SNW1: variants seen among roughly 807,000 people sequenced by gnomAD.
SNW1 encodes SNW domain containing 1.
Under a neutral mutation model 75.6 loss-of-function variants are expected in SNW1, and 9 were observed. The ratio of observed to expected loss-of-function variants is 0.12; its 90% CI spans 0.07 to 0.21. The LOEUF is 0.21. SNW1 is among the 10% of genes least tolerant of loss of function. The pLI is 1.00. For missense variants in SNW1, 409 were observed against 670.9 expected (o/e 0.61, Z 4.31); for synonymous variants, 200 against 219.1 (o/e 0.91, Z 0.77).
At chr14:77,730,095 T>G (rs748776117) in intron 10 of SNW1, among the ~76,000 whole-genome samples, 23 of 152,180 alleles carry the variant, frequency 1.5e-4, no homozygotes, top group Non-Finnish European at 2.8e-4. Context: ...CCCTTCTGTG[T>G]GGGATGCTCT....
chr14:77,721,057 C>T, intron 11 of SNW1: 1 of 497,090 alleles, frequency 2.0e-6, no homozygotes, highest in Non-Finnish European at 3.6e-6. Context: ...AAAAGAACAT[C>T]TAACAGATTC....
intron 1 of SNW1, chr14:77,760,770 AC>A (rs1164513692): frequency 1.4e-6 from 1 of 704,358 alleles, no homozygotes; most frequent in East Asian, 2.7e-5. Flanking sequence ...ATAAGCCACT[AC>A]CGTCACCAAC....
chr14:77,746,505 CA>C (rs2080761409), intron 3 of SNW1, among the ~76,000 whole-genome samples: 2 of 152,136 alleles, frequency 1.3e-5, no homozygotes, highest in South Asian at 4.1e-4. Context: ...AACATATGGG[CA>C]GTATGTGTCA....
intron 8 of SNW1, among the ~76,000 whole-genome samples, chr14:77,734,283 ACT>A (rs1203700716): frequency 1.3e-5 from 2 of 152,140 alleles, no homozygotes; most frequent in East Asian, 3.9e-4. Context: ...CCAAGCATTT[ACT>A]CTGTTCTTTT....
intron 3 of SNW1, among the ~76,000 whole-genome samples, chr14:77,747,823 A>G (rs1190494473): frequency 1.8e-4 from 20 of 108,470 alleles, no homozygotes; most frequent in African/African-American, 7.1e-4. Context: ...CCGCCGCCCC[A>G]TCCGGGAGGT....
intron 3 of SNW1, among the ~76,000 whole-genome samples, chr14:77,739,705 T>C (rs1472202833): frequency 6.6e-6 from 1 of 152,178 alleles, no homozygotes; most frequent in African/African-American, 2.4e-5. Context: ...ACTTCTACTA[T>C]GCCCAACATG....
In SNW1 at chr14:77,718,439, A is replaced by G. The variant is rs1374806570; in HGVS notation, c.1340T>C (p.Ile447Thr). Residue 447 changes from isoleucine (I) to threonine (T), a missense_variant, in exon 13 of 14, where the codon ATT becomes ACT. Transcript: ENST00000261531. ...WRGGKDMAQS[I>T]YRPSKNLDKD... The stretch of plus-strand genomic sequence containing the variant: ...GTCCAGATTTTTACTGGGCCTATAA[A>G]TACTCTGGGCCATATCTTTACCACC... 4.3e-6 allele frequency: 7 copies of G among 1,613,796 alleles called. No homozygotes were observed. In the Admixed American group the frequency reaches 1.2e-4, roughly 27 times the overall value.
chr14:77,754,882 G>A (rs1400130607), intron 2 of SNW1, 85 bp downstream of exon 2: 3 of 1,202,886 alleles, frequency 2.5e-6, no homozygotes, highest in African/African-American at 3.1e-5. Context: ...ATAATCAGAG[G>A]TTCTAACATT....
rs764242811 is a variant in SNW1, at chr14:77,735,965, G to A, written c.680C>T (p.Ala227Val). ...TCGGCTAGGAGAATGCATGACAGGC[G>A]CAGGAGGAGAAGGTGGTCCCCGGGG... Reference protein sequence around the residue: ...KIPRGPPSPPAPVMHSPSRKM... With the variant: ...KIPRGPPSPPVPVMHSPSRKM... The change falls in exon 7 of 14, where the codon GCG (alanine) becomes GTG (valine). Residue 227 changes from alanine (A) to valine (V), a missense_variant. Around this residue, in one of 9 missense-constraint regions of SNW1, gnomAD observed 70 missense variants for 136.7 expected, o/e 0.51. Coordinates refer to ENST00000261531, the MANE Select transcript of SNW1 (RefSeq NM_012245.3). 1.7e-5 allele frequency: 27 copies of A among 1,613,760 alleles called. No individual in the cohort carries two copies. The highest frequency in any genetic ancestry group is 2.0e-5 in the Non-Finnish European group (24 of 1,179,862).
chr14:77,751,271 A>C (rs759098055), intron 3 of SNW1, 48 bp downstream of exon 3: 18 of 1,547,590 alleles, frequency 1.2e-5, no homozygotes, highest in Non-Finnish European at 1.4e-5. Flanking sequence ...CAAAATTTAA[A>C]ATGTTTCCTA....
At chr14:77,745,816 G>A (rs1453858588) in intron 3 of SNW1, among the ~76,000 whole-genome samples, 1 of 152,134 alleles carries the variant, frequency 6.6e-6, no homozygotes, top group Non-Finnish European at 1.5e-5. Context: ...TTGAGCTCAG[G>A]AGTTTGAGAC....
intron 5 of SNW1, among the ~76,000 whole-genome samples, chr14:77,738,272 G>A (rs759434965): frequency 1.6e-4 from 25 of 152,118 alleles, no homozygotes; most frequent in Non-Finnish European, 3.4e-4. Context: ...CTGCACTCCA[G>A]CCTGGGCAAC....
chr14:77,732,059 T>G (rs1277411080), intron 9 of SNW1, among the ~76,000 whole-genome samples: 1 of 152,224 alleles, frequency 6.6e-6, no homozygotes, highest in Non-Finnish European at 1.5e-5. Context: ...TTTAATACAT[T>G]ATGTAACATT....
intron 10 of SNW1, among the ~76,000 whole-genome samples, chr14:77,727,591 C>A (rs922820221): frequency 7.2e-5 from 11 of 152,198 alleles, no homozygotes; most frequent in African/African-American, 2.6e-4. Flanking sequence ...GAGTTTTTAT[C>A]ATGAAGGGAT....
At chr14:77,748,499 G>A (rs1165567440) in intron 3 of SNW1, among the ~76,000 whole-genome samples, 2 of 152,034 alleles carry the variant, frequency 1.3e-5, no homozygotes, top group African/African-American at 2.4e-5. Context: ...AGTTACCTCT[G>A]GGAAGTAAAG....
intron 8 of SNW1, among the ~76,000 whole-genome samples, chr14:77,733,118 C>A (rs1235135925): frequency 6.6e-6 from 1 of 152,186 alleles, no homozygotes; most frequent in African/African-American, 2.4e-5. Flanking sequence ...ATTTAACCTT[C>A]ACGATAACTC....
At chr14:77,750,765 AT>A (rs1341819203) in intron 3 of SNW1, among the ~76,000 whole-genome samples, 3 of 152,146 alleles carry the variant, frequency 2.0e-5, no homozygotes, top group African/African-American at 7.2e-5. Context: ...TTTTTGGCCT[AT>A]GGATTACTTC....
chr14:77,737,270 T>C (rs2080680403), intron 5 of SNW1, among the ~76,000 whole-genome samples, 195 bp from the exon 6 acceptor site: 1 of 152,146 alleles, frequency 6.6e-6, no homozygotes, highest in African/African-American at 2.4e-5. Context: ...ACAGTCAAAA[T>C]ATAAACTTGA....
chr14:77,752,889 C>T (rs2080819104), intron 2 of SNW1, among the ~76,000 whole-genome samples: 1 of 152,112 alleles, frequency 6.6e-6, no homozygotes. Flanking sequence ...GAGAATAAAG[C>T]TGAGAGACAT....
Sources: gnomAD v4.1 joint callset for allele counts (sites outside exome capture counted in the v4.1 genomes callset) on GRCh38, gnomAD v4.1.1 for gene constraint, gnomAD v4.1.1 regional missense constraint, MANE v1.5 for transcripts, NCBI Gene and HGNC (gene_info 2026-07-23, HGNC 2026-07-21) for gene names.